Variants in CR1L observed in about 807,000 individuals in gnomAD.
CR1L encodes complement component receptor 1-like protein.
Under a neutral mutation model 62.3 loss-of-function variants are expected in CR1L, and 59 were observed. The ratio of observed to expected loss-of-function variants is 0.95; its 90% CI spans 0.77 to 1.18. The LOEUF is 1.18. CR1L is among the 50% of genes most tolerant of loss of function. The probability of loss-of-function intolerance (pLI) is 0.00; values close to 1 mark genes in which losing one functional copy is unlikely to be tolerated. For missense variants in CR1L, 700 were observed against 702.8 expected, an observed-to-expected ratio of 1.00 and a Z score of 0.04; for synonymous variants, 279 against 248.7, an observed-to-expected ratio of 1.12 and a Z score of -1.15.
chr1:207,707,785 T>TACACACACACACACACACAC (rs10523807), intron 9 of CR1L, among the ~76,000 whole-genome samples: 1,873 of 126,066 alleles, frequency 0.015, 13 homozygotes, highest in Middle Eastern at 0.032. Flanking sequence ...GGCATAGTAT[T>TACACACACACACACACACAC]ACACACACAC....
intron 1 of CR1L, among the ~76,000 whole-genome samples, chr1:207,656,128 C>T (rs1663306882): frequency 6.6e-6 from 1 of 152,188 alleles, no homozygotes; most frequent in South Asian, 2.1e-4. Flanking sequence ...GTCCCAGCTA[C>T]TCTGGAGGCT....
intron 1 of CR1L, among the ~76,000 whole-genome samples, chr1:207,666,711 G>T (rs1018463774): frequency 4.2e-4 from 64 of 152,226 alleles, no homozygotes; most frequent in African/African-American, 1.5e-3. Flanking sequence ...GAGGGTAGAG[G>T]ATAGGAAGAG....
At chr1:207,648,958 G>A (rs114210261) in intron 1 of CR1L, among the ~76,000 whole-genome samples, 4,072 of 150,498 alleles carry the variant, frequency 0.027, 189 homozygotes, top group African/African-American at 0.096. Flanking sequence ...TGGACTTTGA[G>A]TACCAAATTT....
chr1:207,669,450 G>T, intron 1 of CR1L: 3 of 1,387,328 alleles, frequency 2.2e-6, no homozygotes, highest in South Asian at 2.3e-5. Context: ...GGAGGATGGG[G>T]GTCTCTTCTC....
chr1:207,653,684 C>T (rs975149629), intron 1 of CR1L, among the ~76,000 whole-genome samples: 1 of 152,190 alleles, frequency 6.6e-6, no homozygotes, highest in African/African-American at 2.4e-5. Context: ...GCACTGAGCA[C>T]TCGGTAATAG....
At chr1:207,676,670 G>T (rs1663697027) in intron 1 of CR1L, among the ~76,000 whole-genome samples, 1 of 152,076 alleles carries the variant, frequency 6.6e-6, no homozygotes, top group Non-Finnish European at 1.5e-5. Context: ...TATTATTATT[G>T]TTAAGATGGA....
chr1:207,656,261 A>G, intron 1 of CR1L, among the ~76,000 whole-genome samples: 1 of 152,006 alleles, frequency 6.6e-6, no homozygotes, highest in South Asian at 2.1e-4. Flanking sequence ...CAATCAATCA[A>G]TCAATCACTA....
In CR1L at chr1:207,649,788, G is replaced by T. The variant is rs148506926; in HGVS notation, c.97+4458G>T. Among the ~76,000 whole-genome samples, 149 of 152,284 alleles carry T rather than the reference G, an allele frequency of 9.8e-4. No homozygotes were observed. In the Middle Eastern group the frequency reaches 0.01, roughly 10 times the overall value. On this transcript the variant is annotated intron_variant, in intron 1 of 11. Transcript: ENST00000508064. Reference sequence around the variant, plus strand: ...GAGGTCATTGGAGAGCCATCGAAAGGTATCTGTCTTGGAAAAACCTTGATT... The same window carrying T: ...GAGGTCATTGGAGAGCCATCGAAAGTTATCTGTCTTGGAAAAACCTTGATT...
chr1:207,681,350 C>A (rs1663793115), intron 3 of CR1L, among the ~76,000 whole-genome samples: 1 of 152,036 alleles, frequency 6.6e-6, no homozygotes, highest in South Asian at 2.1e-4. Flanking sequence ...CCCAGGAGAT[C>A]CAAAAAGGTA....
intron 11 of CR1L, among the ~76,000 whole-genome samples, chr1:207,719,290 AAAAT>A (rs1355479685): frequency 1.2e-4 from 18 of 151,946 alleles, no homozygotes; most frequent in African/African-American, 3.1e-4. Flanking sequence ...AAAAAAAAGA[AAAAT>A]AAATAACACA....
intron 10 of CR1L, among the ~76,000 whole-genome samples, chr1:207,716,828 C>T (rs1410158593): frequency 1.3e-5 from 2 of 152,028 alleles, no homozygotes; most frequent in Non-Finnish European, 2.9e-5. Context: ...GCATCAAGTG[C>T]TTTTAGGGAA....
Position 207,645,194 on chromosome 1 carries a change from G to T in CR1L, c.-40G>T, listed in dbSNP as rs766354780. 4 of 1,604,428 alleles carry T rather than the reference G, an allele frequency of 2.5e-6. No individual in the cohort carries two copies. The highest frequency in any genetic ancestry group is 8.5e-7 in the Non-Finnish European group (1 of 1,174,222). On this transcript the variant is annotated 5_prime_UTR_variant, in exon 1 of 12. Transcript: ENST00000508064. Reference sequence around the variant, plus strand: ...TGCTCGGCTGGCTTTCGGTTTCTCTGCTCACCTCCGGATAAATCACGGGGT... The same window carrying T: ...TGCTCGGCTGGCTTTCGGTTTCTCTTCTCACCTCCGGATAAATCACGGGGT...
chr1:207,677,368 T>G, intron 1 of CR1L, 21 bp from the exon 2 acceptor site: 1 of 1,458,592 alleles, frequency 6.9e-7, no homozygotes, highest in Admixed American at 2.1e-5. Context: ...ACTTCGATGC[T>G]GCTGTGGTCT....
At chr1:207,701,454 G>A in intron 8 of CR1L, 65 bp from the exon 9 acceptor site, 5 of 1,592,914 alleles carry the variant, frequency 3.1e-6, no homozygotes, top group Non-Finnish European at 4.3e-6. Flanking sequence ...TGCAGGTTGA[G>A]ACCTTACGTA....
intron 10 of CR1L, among the ~76,000 whole-genome samples, chr1:207,717,248 ACT>A (rs888639203): frequency 1.3e-4 from 20 of 152,170 alleles, no homozygotes; most frequent in African/African-American, 4.8e-4. Flanking sequence ...GTCCAAAAAC[ACT>A]GTCTTTGGGC....
rs1388836220 is a variant in CR1L at position 207,677,383 on chromosome 1, C to A, written c.98-6C>A. On this transcript the variant is annotated splice_region_variant and splice_polypyrimidine_tract_variant and intron_variant, in intron 1 of 11. Coordinates refer to ENST00000508064, the MANE Select transcript of CR1L (RefSeq NM_175710.2). Reference sequence around the variant, plus strand: ...ACTTCGATGCTGCTGTGGTCTTGATCCCCAGATCAATGCAATGTCCCGGAA... The same window carrying A: ...ACTTCGATGCTGCTGTGGTCTTGATACCCAGATCAATGCAATGTCCCGGAA... The A allele has an allele frequency of 6.3e-7, 1 of 1,585,894 alleles. No individual in the cohort carries two copies. Among genetic ancestry groups the A allele is most frequent in the South Asian group, 1.2e-5 (1 of 86,726 alleles).
chr1:207,708,747 G>C (rs189828445), intron 10 of CR1L, among the ~76,000 whole-genome samples: 258 of 152,328 alleles, frequency 1.7e-3, no homozygotes, highest in Non-Finnish European at 3.1e-3. Flanking sequence ...GGAGCAAAGA[G>C]GAATGAGCAA....
chr1:207,660,381 G>A (rs980621925), intron 1 of CR1L, among the ~76,000 whole-genome samples: 13 of 152,208 alleles, frequency 8.5e-5, no homozygotes, highest in African/African-American at 2.7e-4. Context: ...TGATACCCAC[G>A]CAAACAAGGT....
intron 5 of CR1L, among the ~76,000 whole-genome samples, chr1:207,696,066 G>A (rs1020191716): frequency 6.6e-6 from 1 of 152,144 alleles, no homozygotes; most frequent in Non-Finnish European, 1.5e-5. Context: ...CCTAGCAATA[G>A]GACGAAGGCA....
Sources: allele counts gnomAD v4.1 joint callset (sites outside exome capture counted in the v4.1 genomes callset), GRCh38; gene constraint gnomAD v4.1.1; transcripts MANE v1.5; gene names NCBI Gene and HGNC (gene_info 2026-07-23, HGNC 2026-07-21).